Variants in TCF7L2 observed in about 807,000 individuals in gnomAD.
TCF7L2 encodes transcription factor 7 like 2, also known as transcription factor 7-like 2.
In TCF7L2, 23 loss-of-function variants were observed where a neutral mutation model predicts 77.9. The ratio of observed to expected loss-of-function variants is 0.30; its 90% confidence interval spans 0.21 to 0.42. TCF7L2 has a LOEUF of 0.42. Ranked by LOEUF, TCF7L2 falls within the 10% of genes least tolerant of loss-of-function variation. TCF7L2 has a pLI of 1.00. For missense variants in TCF7L2, 654 were observed against 793.1 expected (o/e 0.82, Z 2.11); for synonymous variants, 413 against 340.2 (o/e 1.21, Z -2.36).
chr10:113,006,177 C>T (rs2045515401), intron 4 of TCF7L2, among the ~76,000 whole-genome samples: 1 of 152,162 alleles, frequency 6.6e-6, no homozygotes, highest in African/African-American at 2.4e-5. Flanking sequence ...TGGGAAACAG[C>T]ACATTCTGCC....
chr10:113,013,543 G>A lies in TCF7L2; in HGVS notation c.451-26482G>A, dbSNP rs543830765. ...CTAAAAAGATGGGATATTTTGAAGT[G>A]GGGGCTCATAGGTCATAAGTGGATT... On this transcript the variant is annotated intron_variant, in intron 4 of 13. Coordinates refer to ENST00000627217, the MANE Select transcript of TCF7L2 (RefSeq NM_001146274.2). Among the ~76,000 whole-genome samples the A allele has an allele frequency of 1.7e-4, 26 of 152,328 alleles. No individual in the cohort carries two copies. In the South Asian group the frequency reaches 5.2e-3, roughly 30 times the overall value.
intron 5 of TCF7L2, among the ~76,000 whole-genome samples, chr10:113,095,926 A>G (rs564479406): frequency 2.0e-4 from 31 of 151,862 alleles, no homozygotes; most frequent in Admixed American, 1.0e-3. Flanking sequence ...TGAGTCACGT[A>G]TTTTCTTTGT....
chr10:113,165,469 C>T, intron 13 of TCF7L2, 86 bp from the exon 15 acceptor site: 1 of 1,448,046 alleles, frequency 6.9e-7, no homozygotes. Flanking sequence ...CCTTAGGTGA[C>T]CTCAGCTTGG....
intron 5 of TCF7L2, among the ~76,000 whole-genome samples, chr10:113,121,791 C>T (rs532113385): frequency 3.9e-4 from 60 of 152,068 alleles, no homozygotes; most frequent in African/African-American, 1.3e-3. Flanking sequence ...CACACACACA[C>T]ACACAAATGA....
In TCF7L2 at chr10:113,013,405, C is replaced by T. The variant is rs919693343; in HGVS notation, c.451-26620C>T. On this transcript the variant is annotated intron_variant, in intron 4 of 13. Coordinates refer to ENST00000627217, the MANE Select transcript of TCF7L2 (RefSeq NM_001146274.2). ...GAGTGCTGGGATTACGGGCATGAGC[C>T]ACAGTGCCTGGCCTGTAAGCAAGTG... is the stretch of plus-strand genomic sequence containing the variant. Among the ~76,000 whole-genome samples the T allele has an allele frequency of 2.0e-5, 3 of 152,156 alleles. No homozygotes were observed. The East Asian group carries it at 5.8e-4, about 29-fold the overall frequency.
intron 4 of TCF7L2, among the ~76,000 whole-genome samples, chr10:113,030,074 C>T (rs569553462): frequency 6.6e-6 from 1 of 152,306 alleles, no homozygotes; most frequent in South Asian, 2.1e-4. Context: ...CAGCCAGTCT[C>T]TACCCGCCTT....
intron 4 of TCF7L2, 107 bp downstream of exon 4, chr10:112,964,731 T>TGAG: frequency 1.1e-6 from 1 of 906,740 alleles, no homozygotes. Flanking sequence ...ATGATGATGA[T>TGAG]GATGATGATG....
intron 5 of TCF7L2, among the ~76,000 whole-genome samples, chr10:113,097,135 A>G (rs900071808): frequency 6.6e-6 from 1 of 152,194 alleles, no homozygotes; most frequent in Non-Finnish European, 1.5e-5. Flanking sequence ...TCTGTCACGT[A>G]GTGCTCATCC....
intron 4 of TCF7L2, among the ~76,000 whole-genome samples, chr10:113,028,508 C>T (rs1374950324): frequency 1.3e-5 from 2 of 152,140 alleles, no homozygotes; most frequent in Non-Finnish European, 2.9e-5. Flanking sequence ...CAGGGAGACC[C>T]TGCCAGAGCC....
intron 11 of TCF7L2, among the ~76,000 whole-genome samples, chr10:113,155,059 T>C (rs1156433091): frequency 1.3e-5 from 2 of 152,102 alleles, no homozygotes; most frequent in Non-Finnish European, 2.9e-5. Context: ...CTCCAAAAGC[T>C]TCTTCTGGAA....
chr10:113,164,822 T>C (rs1331344173), intron 13 of TCF7L2, among the ~76,000 whole-genome samples: 1 of 152,094 alleles, frequency 6.6e-6, no homozygotes, highest in East Asian at 1.9e-4. Context: ...TTTGTTTCCC[T>C]TCCTCCCTTC....
At chr10:112,995,042 A>C (rs933374618) in intron 4 of TCF7L2, among the ~76,000 whole-genome samples, 3 of 152,122 alleles carry the variant, frequency 2.0e-5, no homozygotes, top group Admixed American at 2.0e-4. Context: ...CTGAGGTTGC[A>C]GTGAGCGGAG....
At chr10:113,157,367 C>T (rs2072156624) in intron 11 of TCF7L2, among the ~76,000 whole-genome samples, 2 of 152,228 alleles carry the variant, frequency 1.3e-5, no homozygotes, top group South Asian at 4.1e-4. Context: ...ATCCTCCCAC[C>T]TCCGCCCCTC....
intron 5 of TCF7L2, among the ~76,000 whole-genome samples, chr10:113,130,258 G>A (rs938896394): frequency 2.6e-5 from 4 of 152,164 alleles, no homozygotes. Flanking sequence ...CACTTCTATG[G>A]TAAGGCAGAC....
At chr10:113,075,062 C>G (rs12570357) in intron 5 of TCF7L2, among the ~76,000 whole-genome samples, 2 of 152,098 alleles carry the variant, frequency 1.3e-5, no homozygotes, top group Admixed American at 6.5e-5. Context: ...GATCATAACT[C>G]ACTGTAACCT....
chr10:112,965,629 ATGTG>A (rs59587175), intron 4 of TCF7L2, among the ~76,000 whole-genome samples: 21,550 of 136,820 alleles, frequency 0.16, 1,694 homozygotes, highest in Non-Finnish European at 0.18. Context: ...GTGTGTGTAT[ATGTG>A]TGTGTGTGTG....
At chr10:113,028,084 C>A (rs771120597) in intron 4 of TCF7L2, among the ~76,000 whole-genome samples, 1 of 152,112 alleles carries the variant, frequency 6.6e-6, no homozygotes, top group Non-Finnish European at 1.5e-5. Context: ...GAAAGTGGGC[C>A]GGGATGGTCT....
chr10:112,966,821 T>G (rs144778973), intron 4 of TCF7L2, among the ~76,000 whole-genome samples: 19 of 152,342 alleles, frequency 1.2e-4, no homozygotes, highest in African/African-American at 4.1e-4. Context: ...AGCTCATTGT[T>G]TTGGAGGACT....
At chr10:112,992,867 G>A (rs1434423131) in intron 4 of TCF7L2, among the ~76,000 whole-genome samples, 2 of 151,788 alleles carry the variant, frequency 1.3e-5, no homozygotes, top group South Asian at 2.1e-4. Flanking sequence ...GAGTTCAAGC[G>A]ATTCTCCTGC....
Sources: allele counts gnomAD v4.1 joint callset (sites outside exome capture counted in the v4.1 genomes callset), GRCh38; gene constraint gnomAD v4.1.1; transcripts MANE v1.5; gene names NCBI Gene and HGNC (gene_info 2026-07-23, HGNC 2026-07-21).